TBC1D22A: variants seen among roughly 807,000 people sequenced by gnomAD.
TBC1D22A encodes TBC1 domain family member 22A.
In TBC1D22A, 38 loss-of-function variants were observed where a neutral mutation model predicts 60.2. The ratio of observed to expected loss-of-function variants is 0.63; its 90% CI spans 0.49 to 0.83. The LOEUF is 0.83. Among genes scored for constraint, TBC1D22A ranks in the 40% least tolerant of loss-of-function variants. The pLI is 0.00. For synonymous variants in TBC1D22A, 302 were observed against 281.7 expected, an observed-to-expected ratio of 1.07 and a Z score of -0.72; for missense variants, 628 against 701.0, an observed-to-expected ratio of 0.90 and a Z score of 1.18.
chr22:47,044,798 G>A (rs1398556577), intron 11 of TBC1D22A, among the ~76,000 whole-genome samples: 3 of 152,332 alleles, frequency 2.0e-5, no homozygotes, highest in East Asian at 1.9e-4. Context: ...GTGTCCTGGG[G>A]ATTTAATGCT....
At chr22:47,166,406 A>G (rs1216327496) in intron 12 of TBC1D22A, among the ~76,000 whole-genome samples, 2 of 152,234 alleles carry the variant, frequency 1.3e-5, no homozygotes, top group Admixed American at 6.5e-5. Context: ...CCAAAATACT[A>G]TCATTTGAAC....
chr22:46,891,234 C>T, intron 5 of TBC1D22A, 32 bp from the exon 6 acceptor site: 1 of 1,587,074 alleles, frequency 6.3e-7, no homozygotes, highest in Non-Finnish European at 8.5e-7. Flanking sequence ...TTAGCTATAA[C>T]CATGTATATT....
intron 4 of TBC1D22A, among the ~76,000 whole-genome samples, chr22:46,842,669 C>T (rs766639608): frequency 1.2e-4 from 19 of 152,262 alleles, no homozygotes; most frequent in Non-Finnish European, 2.2e-4. Flanking sequence ...CTGTGCAGCG[C>T]GATCTCCGAT....
intron 12 of TBC1D22A, among the ~76,000 whole-genome samples, chr22:47,132,285 C>T (rs534227912): frequency 1.2e-4 from 18 of 152,300 alleles, no homozygotes; most frequent in Non-Finnish European, 2.1e-4. Flanking sequence ...TGGCCCCGTG[C>T]CACCCCGTTC....
intron 11 of TBC1D22A, among the ~76,000 whole-genome samples, chr22:47,101,040 G>T (rs6008036): frequency 6.6e-6 from 1 of 152,088 alleles, no homozygotes; most frequent in Non-Finnish European, 1.5e-5. Flanking sequence ...TGGCACTCCC[G>T]GGAGCCCTTG....
intron 2 of TBC1D22A, among the ~76,000 whole-genome samples, chr22:46,793,033 G>A (rs2084489122): frequency 6.6e-6 from 1 of 152,276 alleles, no homozygotes; most frequent in Admixed American, 6.5e-5. Flanking sequence ...TGTCTGACAA[G>A]TTTCTCACGT....
intron 1 of TBC1D22A, among the ~76,000 whole-genome samples, chr22:46,788,786 A>G (rs910315086): frequency 1.3e-5 from 2 of 152,212 alleles, no homozygotes; most frequent in Admixed American, 6.5e-5. Flanking sequence ...CTGAAATCAT[A>G]TATTTCTCCT....
chr22:46,953,310 A>G (rs886066327), intron 8 of TBC1D22A, among the ~76,000 whole-genome samples: 8 of 152,076 alleles, frequency 5.3e-5, no homozygotes, highest in Admixed American at 3.9e-4. Context: ...GGGTTCCATG[A>G]CACACTCTCA....
At chr22:46,948,046 C>T (rs987639290) in intron 8 of TBC1D22A, among the ~76,000 whole-genome samples, 4 of 152,138 alleles carry the variant, frequency 2.6e-5, no homozygotes, top group East Asian at 1.9e-4. Flanking sequence ...CTCTGAGCTA[C>T]GTTGGGTTGT....
In TBC1D22A at chr22:47,174,673, ATGGACCACTCCTGCCC is replaced by A. The variant is rs139931402; in HGVS notation, c.*1070_*1085del. Reference sequence around the variant, plus strand: ...GGTTCCGCCATGGACCGGTTCCGCCATGGACCACTCCTGCCCTGGACCACTCCTGCCCTGGACCGGT... The same window carrying A: ...GGTTCCGCCATGGACCGGTTCCGCCATGGACCACTCCTGCCCTGGACCGGT... On this transcript the variant is annotated 3_prime_UTR_variant, in exon 13 of 13. Transcript: ENST00000337137. The A allele has an allele frequency of 0.2, 29,343 of 146,628 alleles. 3,732 individuals carry two copies. Among genetic ancestry groups the A allele is most frequent in the East Asian group, 0.45 (2,282 of 5,072 alleles). 9.1% of individuals were successfully genotyped at this position (146,628 alleles called of 1,614,324 possible).
intron 11 of TBC1D22A, among the ~76,000 whole-genome samples, chr22:47,053,229 T>C (rs933250387): frequency 6.6e-6 from 1 of 152,238 alleles, no homozygotes; most frequent in African/African-American, 2.4e-5. Context: ...TCTGCCACTT[T>C]CTGCCTCCTC....
intron 8 of TBC1D22A, among the ~76,000 whole-genome samples, chr22:46,940,497 C>T (rs1216170175): frequency 1.4e-5 from 2 of 147,640 alleles, no homozygotes; most frequent in African/African-American, 5.0e-5. Flanking sequence ...TACACACACA[C>T]AGTCTACCCT....
intron 11 of TBC1D22A, among the ~76,000 whole-genome samples, chr22:47,038,915 T>C (rs2062745516): frequency 6.6e-6 from 1 of 152,240 alleles, no homozygotes; most frequent in South Asian, 2.1e-4. Context: ...CTAGTGCTAT[T>C]GATCGGCTCT....
In TBC1D22A at chr22:47,102,940, A is replaced by C. The variant is rs138739003; in HGVS notation, c.1330-8568A>C. On this transcript the variant is annotated intron_variant, in intron 11 of 12. Coordinates refer to ENST00000337137, the MANE Select transcript of TBC1D22A (RefSeq NM_014346.5). ...CAATGCTAATTACCAATCACGTGCTACTCAGGGCTGGTTCCCTCAGGGCCT... is the reference window on the plus strand; with the variant it reads ...CAATGCTAATTACCAATCACGTGCTCCTCAGGGCTGGTTCCCTCAGGGCCT... Among the ~76,000 whole-genome samples, 1,118 of 152,116 alleles carry C rather than the reference A, an allele frequency of 7.3e-3. 12 individuals carry two copies. Among genetic ancestry groups the C allele is most frequent in the African/African-American group, 0.026 (1,069 of 41,488 alleles).
intron 9 of TBC1D22A, among the ~76,000 whole-genome samples, chr22:46,984,899 G>A (rs2074663260): frequency 2.0e-5 from 3 of 152,180 alleles, no homozygotes; most frequent in African/African-American, 7.2e-5. Context: ...GACCATTGAT[G>A]TTAATACCAG....
At chr22:47,092,161 A>AGCTGTGCACTGGAGGGAT (rs2065002908) in intron 11 of TBC1D22A, among the ~76,000 whole-genome samples, 1 of 152,158 alleles carries the variant, frequency 6.6e-6, no homozygotes, top group Non-Finnish European at 1.5e-5. Flanking sequence ...CCTGTGTCTC[A>AGCTGTGCACTGGAGGGAT]GCTGTGCACT....
At chr22:46,770,871 G>A (rs1020392914) in intron 1 of TBC1D22A, among the ~76,000 whole-genome samples, 5 of 152,212 alleles carry the variant, frequency 3.3e-5, no homozygotes, top group Admixed American at 6.5e-5. Flanking sequence ...CCGGAGTCTT[G>A]TTCCGGCAGT....
At chr22:46,803,630 G>A (rs2085000106) in intron 4 of TBC1D22A, among the ~76,000 whole-genome samples, 1 of 152,220 alleles carries the variant, frequency 6.6e-6, no homozygotes, top group Non-Finnish European at 1.5e-5. Context: ...GCGCGTGTCT[G>A]TGTGTGTTCA....
At position 46,878,686 on chromosome 22, in the gene TBC1D22A, C is replaced by T. The variant is rs1301031154; in HGVS notation, c.671C>T (p.Pro224Leu). ...ELRRLSWSGI[P>L]KPVRPMTWKL... ...CGGAGGTTGAGCTGGTCCGGAATCC[C>T]TAAGCCAGTGCGTCCAATGACGTGG... The change falls in exon 5 of 13, where the codon CCT (proline) becomes CTT (leucine). Residue 224 changes from proline (P) to leucine (L), a missense_variant. Physicochemically the swap from Pro to Leu is moderately conservative, Grantham distance 98. Transcript: ENST00000337137. 1.2e-6 allele frequency: 2 copies of T among 1,613,208 alleles called. No homozygotes were observed. The highest frequency in any genetic ancestry group is 1.7e-5 in the Admixed American group (1 of 60,014).
Sources: gnomAD v4.1 joint callset for allele counts (sites outside exome capture counted in the v4.1 genomes callset) on GRCh38, gnomAD v4.1.1 for gene constraint, MANE v1.5 for transcripts, NCBI Gene and HGNC (gene_info 2026-07-23, HGNC 2026-07-21) for gene names.